The following PDLIM5 variants were observed in gnomAD, a reference collection of about 807,000 sequenced individuals.
PDLIM5 encodes PDZ and LIM domain protein 5.
In PDLIM5, 34 loss-of-function variants were observed where a neutral mutation model predicts 64.2. That is an observed-to-expected ratio of 0.53 (90% CI 0.40 to 0.71). The LOEUF (loss-of-function observed/expected upper bound fraction) is 0.71. Ranked by LOEUF, PDLIM5 falls within the 30% of genes least tolerant of loss-of-function variation. The pLI, the probability that PDLIM5 is intolerant of heterozygous loss-of-function variation, is 0.00. For missense variants in PDLIM5, 683 were observed against 733.6 expected, an observed-to-expected ratio of 0.93 and a Z score of 0.80; for synonymous variants, 253 against 269.1, an observed-to-expected ratio of 0.94 and a Z score of 0.59.
intron 2 of PDLIM5, among the ~76,000 whole-genome samples, chr4:94,519,122 T>G (rs1319244458): frequency 6.6e-6 from 1 of 152,198 alleles, no homozygotes; most frequent in Non-Finnish European, 1.5e-5. Flanking sequence ...TGTGGCATAT[T>G]CATCTCTGTT....
chr4:94,530,934 A>G (rs1224595732), intron 3 of PDLIM5, among the ~76,000 whole-genome samples: 1 of 152,192 alleles, frequency 6.6e-6, no homozygotes, highest in Non-Finnish European at 1.5e-5. Flanking sequence ...TTATGGGTTC[A>G]ACTCTGCTGT....
At chr4:94,469,704 A>G (rs73833913) in intron 2 of PDLIM5, among the ~76,000 whole-genome samples, 116 of 152,256 alleles carry the variant, frequency 7.6e-4, no homozygotes, top group African/African-American at 2.6e-3. Context: ...GTGGGTTACT[A>G]TTATGGTGAT....
chr4:94,519,622 CAG>C (rs1233543279), intron 2 of PDLIM5, among the ~76,000 whole-genome samples: 1 of 152,154 alleles, frequency 6.6e-6, no homozygotes, highest in South Asian at 2.1e-4. Flanking sequence ...CCTTACAAAA[CAG>C]AGGAATGATG....
chr4:94,590,261 G>A (rs1218527895), intron 7 of PDLIM5, among the ~76,000 whole-genome samples: 1 of 152,070 alleles, frequency 6.6e-6, no homozygotes, highest in African/African-American at 2.4e-5. Context: ...ACAAATTGTG[G>A]TATTAGGACA....
chr4:94,455,412 A>G (rs1209494794), intron 2 of PDLIM5, 28 bp downstream of exon 2: 1 of 1,393,332 alleles, frequency 7.2e-7, no homozygotes, highest in Admixed American at 1.7e-5. Context: ...ATTTTATTAT[A>G]GATGTTCATT....
At chr4:94,512,873 G>A (rs1729013495) in intron 2 of PDLIM5, among the ~76,000 whole-genome samples, 1 of 152,084 alleles carries the variant, frequency 6.6e-6, no homozygotes, top group African/African-American at 2.4e-5. Context: ...TGAGGTGTTT[G>A]AGTTAAGTCT....
chr4:94,550,528 A>G (rs1220979784), intron 3 of PDLIM5, among the ~76,000 whole-genome samples: 2 of 152,352 alleles, frequency 1.3e-5, no homozygotes, highest in South Asian at 2.1e-4. Context: ...ACTTCTCAGA[A>G]TAACTTTGGT....
chr4:94,495,458 TTAAC>T (rs1727299031), intron 2 of PDLIM5, among the ~76,000 whole-genome samples: 1 of 152,080 alleles, frequency 6.6e-6, no homozygotes, highest in Non-Finnish European at 1.5e-5. Flanking sequence ...GATGTTGACC[TTAAC>T]AACATCTCCT....
In PDLIM5 at chr4:94,596,648, A is replaced by G. The variant is rs536104321; in HGVS notation, c.920+10204A>G. On this transcript the variant is annotated intron_variant, in intron 7 of 12. Transcript: ENST00000317968. ...AATTTCTATCTTTTGCTGCTATTCT[A>G]GTTTATGTATTTCAGACACATTGCA... is the stretch of plus-strand genomic sequence containing the variant. Among the ~76,000 whole-genome samples the G allele has an allele frequency of 2.6e-5, 4 of 152,078 alleles. No individual in the cohort carries two copies. In the East Asian group the frequency reaches 5.8e-4, roughly 22 times the overall value.
intron 5 of PDLIM5, among the ~76,000 whole-genome samples, 154 bp downstream of exon 5, chr4:94,576,188 A>G (rs922872373): frequency 2.6e-5 from 4 of 152,206 alleles, no homozygotes; most frequent in African/African-American, 9.6e-5. Context: ...CTTTATATAC[A>G]TAGGGTACTT....
At chr4:94,534,319 G>T (rs1731136307) in intron 3 of PDLIM5, among the ~76,000 whole-genome samples, 1 of 152,036 alleles carries the variant, frequency 6.6e-6, no homozygotes, top group Non-Finnish European at 1.5e-5. Flanking sequence ...ATGTTTTTCT[G>T]ATACTTTTAG....
At chr4:94,539,146 C>G (rs1422821465) in intron 3 of PDLIM5, among the ~76,000 whole-genome samples, 2 of 152,032 alleles carry the variant, frequency 1.3e-5, no homozygotes, top group Non-Finnish European at 2.9e-5. Flanking sequence ...AGGTTGGGAT[C>G]AAGCATAGAT....
intron 2 of PDLIM5, among the ~76,000 whole-genome samples, chr4:94,498,029 T>G (rs1727564556): frequency 6.6e-6 from 1 of 152,040 alleles, no homozygotes; most frequent in African/African-American, 2.4e-5. Context: ...ACCAAAAGAG[T>G]TATTTTCTCA....
intron 12 of PDLIM5, among the ~76,000 whole-genome samples, chr4:94,662,739 G>A (rs974517100): frequency 2.0e-5 from 3 of 151,514 alleles, no homozygotes; most frequent in East Asian, 1.9e-4. Flanking sequence ...GAGATCCTTA[G>A]TCCTTAGAGA....
chr4:94,633,354 T>C (rs761841444), intron 8 of PDLIM5, among the ~76,000 whole-genome samples: 8 of 152,208 alleles, frequency 5.3e-5, no homozygotes, highest in Non-Finnish European at 1.2e-4. Context: ...CTAGAATCAT[T>C]GTAAACTCAT....
At chr4:94,636,592 G>A (rs1740587360) in intron 8 of PDLIM5, among the ~76,000 whole-genome samples, 1 of 147,834 alleles carries the variant, frequency 6.8e-6, no homozygotes, top group Admixed American at 6.8e-5. Flanking sequence ...AGGCTGGAGT[G>A]CAGTGGTGCG....
chr4:94,623,260 C>T (rs959148599), intron 8 of PDLIM5, among the ~76,000 whole-genome samples: 1 of 152,146 alleles, frequency 6.6e-6, no homozygotes, highest in African/African-American at 2.4e-5. Context: ...CAACCTTCTT[C>T]TCCAGCTTCA....
chr4:94,609,597 T>G (rs1207306106), intron 7 of PDLIM5, among the ~76,000 whole-genome samples: 1 of 152,190 alleles, frequency 6.6e-6, no homozygotes. Flanking sequence ...CCTCCTTACA[T>G]AGCTTTACTC....
chr4:94,631,537 A>G (rs956884611), intron 8 of PDLIM5, among the ~76,000 whole-genome samples: 4 of 152,178 alleles, frequency 2.6e-5, no homozygotes, highest in Admixed American at 6.5e-5. Flanking sequence ...CACCTCAACT[A>G]TCACTATCCC....
Sources: allele counts gnomAD v4.1 joint callset (sites outside exome capture counted in the v4.1 genomes callset), GRCh38; gene constraint gnomAD v4.1.1; transcripts MANE v1.5; gene names NCBI Gene and HGNC (gene_info 2026-07-23, HGNC 2026-07-21).